ATP9B: variants seen among roughly 807,000 people sequenced by gnomAD.
The protein encoded by ATP9B is probable phospholipid-transporting ATPase IIB.
Under a neutral mutation model 146.1 loss-of-function variants are expected in ATP9B, and 110 were observed. The ratio of observed to expected loss-of-function variants is 0.75; its 90% CI spans 0.65 to 0.88. The LOEUF is 0.88. ATP9B is among the 40% of genes least tolerant of loss of function. The pLI is 0.00. For synonymous variants in ATP9B, 604 were observed against 569.7 expected (o/e 1.06, Z -0.86); for missense variants, 1,499 against 1,496.4 (o/e 1.00, Z -0.03).
chr18:79,076,545 A>T (rs2072637213), intron 1 of ATP9B, among the ~76,000 whole-genome samples: 1 of 152,026 alleles, frequency 6.6e-6, no homozygotes, highest in Non-Finnish European at 1.5e-5. Context: ...TCCTTTTGAG[A>T]TAGGTGTCAC....
At chr18:79,138,602 G>C (rs2094474815) in intron 5 of ATP9B, among the ~76,000 whole-genome samples, 1 of 152,088 alleles carries the variant, frequency 6.6e-6, no homozygotes, top group Non-Finnish European at 1.5e-5. Flanking sequence ...TGTTTACTTT[G>C]ATCAGCATAT....
intron 2 of ATP9B, among the ~76,000 whole-genome samples, chr18:79,104,748 CT>C (rs1178559178): frequency 1.7e-4 from 25 of 146,804 alleles, no homozygotes; most frequent in Non-Finnish European, 1.7e-4. Flanking sequence ...AAGTCTTTAT[CT>C]TTTTTTTTTT....
intron 8 of ATP9B, among the ~76,000 whole-genome samples, chr18:79,183,080 GT>G (rs2095268448): frequency 6.6e-6 from 1 of 152,116 alleles, no homozygotes; most frequent in Non-Finnish European, 1.5e-5. Context: ...TTCTTGCATG[GT>G]TGGATAATGC....
chr18:79,291,908 G>A (rs1037556310), intron 13 of ATP9B, among the ~76,000 whole-genome samples: 3 of 151,960 alleles, frequency 2.0e-5, no homozygotes, highest in African/African-American at 7.3e-5. Flanking sequence ...CCCTTCCATC[G>A]CCCGTGCCCC....
At chr18:79,097,168 A>G (rs2074860120) in intron 2 of ATP9B, among the ~76,000 whole-genome samples, 2 of 151,916 alleles carry the variant, frequency 1.3e-5, no homozygotes, top group Admixed American at 1.3e-4. Flanking sequence ...AAAAAAAAAA[A>G]AAAAAGCTAG....
intron 1 of ATP9B, among the ~76,000 whole-genome samples, chr18:79,092,590 C>A (rs1181300678): frequency 7.3e-6 from 1 of 137,708 alleles, no homozygotes; most frequent in African/African-American, 2.7e-5. Flanking sequence ...TTTTTATATT[C>A]TAATTCTATA....
At chr18:79,329,657 A>T (rs1162067714) in intron 16 of ATP9B, among the ~76,000 whole-genome samples, 1 of 152,256 alleles carries the variant, frequency 6.6e-6, no homozygotes, top group Non-Finnish European at 1.5e-5. Context: ...GCCAAAACGT[A>T]CCTTAATTTT....
chr18:79,098,049 C>A (rs2074950357), intron 2 of ATP9B, among the ~76,000 whole-genome samples: 1 of 151,774 alleles, frequency 6.6e-6, no homozygotes, highest in Admixed American at 6.6e-5. Flanking sequence ...AGATATAGAT[C>A]AATGGAACAG....
chr18:79,158,528 C>T (rs367766422), intron 7 of ATP9B, among the ~76,000 whole-genome samples: 24 of 152,228 alleles, frequency 1.6e-4, no homozygotes, highest in African/African-American at 5.5e-4. Flanking sequence ...CCTGGCCTCA[C>T]GTGATCCTCC....
chr18:79,145,255 C>A, intron 6 of ATP9B: 1 of 139,568 alleles, frequency 7.2e-6, no homozygotes, highest in Non-Finnish European at 1.5e-5. Context: ...AAGGTGCAAG[C>A]TGCATGTCGG....
chr18:79,335,402 C>T lies in ATP9B; in HGVS notation c.2029-1226C>T, dbSNP rs189803751. 9.8e-5 allele frequency among the ~76,000 whole-genome samples: 15 copies of T among 152,354 alleles called. No individual in the cohort carries two copies. The East Asian group carries it at 2.9e-3, about 29-fold the overall frequency. On this transcript the variant is annotated intron_variant, in intron 17 of 29. Coordinates refer to ENST00000426216, the MANE Select transcript of ATP9B (RefSeq NM_198531.5). ...ACCCCTCAGCCTTGTCCCAGAGAGC[C>T]TGTTTCTTCACCCATCACCAGCTAA... is the stretch of plus-strand genomic sequence containing the variant.
At chr18:79,292,496 T>C (rs1414411824) in intron 13 of ATP9B, among the ~76,000 whole-genome samples, 1 of 152,190 alleles carries the variant, frequency 6.6e-6, no homozygotes, top group African/African-American at 2.4e-5. Flanking sequence ...GCAACAATTC[T>C]AGCTTCTTTT....
intron 14 of ATP9B, among the ~76,000 whole-genome samples, chr18:79,303,992 T>C (rs1298594831): frequency 6.6e-6 from 1 of 152,234 alleles, no homozygotes; most frequent in Admixed American, 6.5e-5. Context: ...TCAGTAAACA[T>C]TGTAGTTGAA....
At chr18:79,205,328 T>C (rs7231432) in intron 9 of ATP9B, among the ~76,000 whole-genome samples, 41 of 64,518 alleles carry the variant, frequency 6.4e-4, no homozygotes, top group African/African-American at 2.0e-3. Flanking sequence ...GCAAATATCT[T>C]CCAAGTAATG....
At chr18:79,230,610 A>C (rs1322072546) in intron 11 of ATP9B, among the ~76,000 whole-genome samples, 1 of 152,230 alleles carries the variant, frequency 6.6e-6, no homozygotes, top group Non-Finnish European at 1.5e-5. Context: ...ATGCTCATGG[A>C]TGGGTAGAAT....
chr18:79,236,922 T>C (rs1249122976), intron 11 of ATP9B, among the ~76,000 whole-genome samples: 1 of 97,520 alleles, frequency 1.0e-5, no homozygotes, highest in African/African-American at 4.6e-5. Context: ...ACACAGTCCG[T>C]GCACGAGTCA....
intron 7 of ATP9B, among the ~76,000 whole-genome samples, chr18:79,169,027 C>A (rs1291662940): frequency 6.6e-6 from 1 of 152,094 alleles, no homozygotes; most frequent in Non-Finnish European, 1.5e-5. Context: ...GCAGAGGCAG[C>A]ATATTTGTGG....
At chr18:79,236,166 G>A (rs949053239) in intron 11 of ATP9B, among the ~76,000 whole-genome samples, 2 of 152,130 alleles carry the variant, frequency 1.3e-5, no homozygotes, top group South Asian at 2.1e-4. Flanking sequence ...TCTATCTTAC[G>A]TTATTTTAAT....
At chr18:79,107,697 C>T (rs1357786854) in intron 2 of ATP9B, among the ~76,000 whole-genome samples, 2 of 152,170 alleles carry the variant, frequency 1.3e-5, no homozygotes, top group African/African-American at 4.8e-5. Flanking sequence ...GTTGCCTGCT[C>T]ACAAGTGATT....
Sources: allele counts gnomAD v4.1 joint callset (sites outside exome capture counted in the v4.1 genomes callset), GRCh38; gene constraint gnomAD v4.1.1; transcripts MANE v1.5; gene names NCBI Gene and HGNC (gene_info 2026-07-23, HGNC 2026-07-21).